Variants in EP400 observed in about 807,000 individuals in gnomAD.
The protein encoded by EP400 is E1A-binding protein p400.
EP400 carries 105 observed loss-of-function variants against 354.1 expected under a neutral mutation model. That is an observed-to-expected ratio of 0.30 (90% CI 0.25 to 0.35). The LOEUF (loss-of-function observed/expected upper bound fraction) is 0.35, where lower values mean the gene tolerates loss of function less well. Ranked by LOEUF, EP400 falls within the 10% of genes least tolerant of loss-of-function variation. The pLI, the probability that EP400 is intolerant of heterozygous loss-of-function variation, is 1.00. For missense variants in EP400, 3,280 were observed against 4,121.0 expected (o/e 0.80, Z 5.59); for synonymous variants, 1,646 against 1,716.9 (o/e 0.96, Z 1.02).
Position 132,020,079 on chromosome 12 carries a change from G to T in EP400, c.4308G>T (p.Lys1436Asn). The T allele has an allele frequency of 6.3e-7, 1 of 1,590,412 alleles. No homozygotes were observed. Among genetic ancestry groups the T allele is most frequent in the Non-Finnish European group, 8.6e-7 (1 of 1,168,180 alleles). ...TTCAGCCTGTGCAGTATGGCCAGAA[G>T]CCCGAGGGTCGCACCGTGGCTTTCC... ...RLFQPVQYGQ[K>N]PEGRTVAFPS... The change falls in exon 22 of 53, where the codon AAG becomes AAT. Residue 1436 changes from lysine (K) to asparagine (N), a missense_variant. Physicochemically the swap from Lys to Asn is moderately conservative, Grantham distance 94. Transcript: ENST00000389561.
At chr12:131,952,302 CAAAAAA>C (rs927214848) in intron 1 of EP400, among the ~76,000 whole-genome samples, 12 of 47,050 alleles carry the variant, frequency 2.6e-4, no homozygotes, top group South Asian at 8.6e-4. Context: ...GACTCTGTCT[CAAAAAA>C]AAAAAAAAAA....
chr12:132,031,032 G>A (rs1422024873), intron 29 of EP400, among the ~76,000 whole-genome samples: 1 of 151,418 alleles, frequency 6.6e-6, no homozygotes, highest in African/African-American at 2.4e-5. Flanking sequence ...TAGAGCAAAA[G>A]GTGATTTAAC....
chr12:132,028,093 C>T lies in EP400; in HGVS notation c.5186C>T (p.Pro1729Leu). 1 of 1,614,206 alleles carries T rather than the reference C, an allele frequency of 6.2e-7. No homozygotes were observed. The highest frequency in any genetic ancestry group is 2.2e-5 in the East Asian group (1 of 44,890). Residue 1729 changes from proline (P) to leucine (L), a missense_variant, in exon 27 of 53, where the codon CCA (proline) becomes CTA (leucine). This residue lies in a region of EP400 where 459 missense variants were observed against 496.9 expected (regional missense o/e 0.92). Transcript: ENST00000389561. ...AACGAGCGGCGCTGTTCTCAAGCTC[C>T]AGTCTATGGCAGAGACTTGCTAAGG... ...LVNERRCSQA[P>L]VYGRDLLRIC...
intron 12 of EP400, among the ~76,000 whole-genome samples, chr12:131,995,953 G>A (rs1176359443): frequency 6.6e-6 from 1 of 151,978 alleles, no homozygotes; most frequent in Non-Finnish European, 1.5e-5. Flanking sequence ...ACCACAGCTT[G>A]ACTGAATGTA....
intron 2 of EP400, among the ~76,000 whole-genome samples, chr12:131,973,097 G>C (rs188733444): frequency 3.3e-5 from 5 of 151,988 alleles, no homozygotes; most frequent in Admixed American, 3.3e-4. Flanking sequence ...TTTTTGTTTT[G>C]TTATTTCATT....
intron 32 of EP400, among the ~76,000 whole-genome samples, chr12:132,039,213 C>A (rs1253195746): frequency 6.6e-6 from 1 of 152,172 alleles, no homozygotes; most frequent in Non-Finnish European, 1.5e-5. Context: ...GGGTATGACT[C>A]TCTTAGTCTG....
rs1254291368 is a variant in EP400, at chr12:132,038,338, G to A, written c.6207+242G>A. On this transcript the variant is annotated intron_variant, in intron 32 of 52. Transcript: ENST00000389561. The surrounding 1 kb of genome is among the most constrained non-coding windows in gnomAD (Gnocchi z 4.2). ...CCACAGGCCTGTCACCGAAGCAGTC[G>A]CTGCCGTCTTCATCTGCACTTTGCC... Among the ~76,000 whole-genome samples, 3 of 152,200 alleles carry A rather than the reference G, an allele frequency of 2.0e-5. No individual in the cohort carries two copies. The highest frequency in any genetic ancestry group is 3.8e-4 in the East Asian group (2 of 5,198).
Position 132,064,730 on chromosome 12 carries a change from G to T in EP400, c.8397G>T (p.Gln2799His). The change falls in exon 48 of 53, where the codon CAG becomes CAT. Residue 2799 changes from glutamine to histidine, a missense_variant. By Grantham distance (24) the Gln-to-His change is conservative. Transcript: ENST00000389561. ...TGCCCCCGCAGCCCCCACCGCCACA[G>T]GCCCAGTCTGCGCCCCCGCAGCCAA... ...LQMPPQPPPP[Q>H]AQSAPPQPTA... The T allele has an allele frequency of 6.2e-7, 1 of 1,613,898 alleles. No homozygotes were observed. The highest frequency in any genetic ancestry group is 1.7e-5 in the Admixed American group (1 of 60,014).
At position 132,064,712 on chromosome 12, in the gene EP400, G is replaced by C. The variant is rs370798410; in HGVS notation, c.8379G>C (p.Pro2793=). ...KMQKQKLQMP[P]QPPPPQAQSA... is the part of the protein sequence containing the mutation. ...AGAAGCAGAAACTGCAGATGCCCCC[G>C]CAGCCCCCACCGCCACAGGCCCAGT... Residue 2793 remains proline, a synonymous_variant, in exon 48 of 53, where the codon CCG becomes CCC. Coordinates refer to ENST00000389561, the MANE Select transcript of EP400 (RefSeq NM_015409.5). 1 of 1,613,582 alleles carries C rather than the reference G, an allele frequency of 6.2e-7. No individual in the cohort carries two copies. The highest frequency in any genetic ancestry group is 1.1e-5 in the South Asian group (1 of 91,046).
intron 7 of EP400, among the ~76,000 whole-genome samples, chr12:131,988,643 C>G (rs1476841939): frequency 6.6e-6 from 1 of 152,178 alleles, no homozygotes; most frequent in African/African-American, 2.4e-5. Context: ...TCTGGAGGCC[C>G]TACTGCTAAC....
At position 132,078,771 on chromosome 12, in the gene EP400, G is replaced by A. The variant is rs1422019591; in HGVS notation, c.*1098G>A. 1 of 152,268 alleles carries A rather than the reference G, an allele frequency of 6.6e-6. No homozygotes were observed. Among genetic ancestry groups the A allele is most frequent in the Non-Finnish European group, 1.5e-5 (1 of 68,044 alleles). 9.4% of individuals were successfully genotyped at this position (152,268 alleles called of 1,614,324 possible). A position where few individuals can be genotyped will look rare whatever the true frequency, so the allele number is the denominator to read the frequency against. Reference sequence around the variant, plus strand: ...AGCAGATTTTCTCTAGGATAAGCTTGTGTGGTTCTGCCAGTGAAGCAGAGA... The same window carrying A: ...AGCAGATTTTCTCTAGGATAAGCTTATGTGGTTCTGCCAGTGAAGCAGAGA... On this transcript the variant is annotated 3_prime_UTR_variant, in exon 53 of 53. Coordinates refer to ENST00000389561, the MANE Select transcript of EP400 (RefSeq NM_015409.5).
Position 132,064,649 on chromosome 12 carries a change from T to C in EP400, c.8335-19T>C, listed in dbSNP as rs1895827881. On this transcript the variant is annotated intron_variant, in intron 47 of 52. Coordinates refer to ENST00000389561, the MANE Select transcript of EP400 (RefSeq NM_015409.5). ...AGCACAGTTAATGTTGAAGAGAAGA[T>C]ACTTTGCTTGTATTTTAGGAACACC... The C allele has an allele frequency of 6.2e-7, 1 of 1,607,670 alleles. No homozygotes were observed. The highest frequency in any genetic ancestry group is 1.3e-5 in the African/African-American group (1 of 74,710).
intron 41 of EP400, among the ~76,000 whole-genome samples, chr12:132,051,318 G>T (rs758005040): frequency 6.6e-6 from 1 of 152,188 alleles, no homozygotes; most frequent in Non-Finnish European, 1.5e-5. Context: ...GTGCGGAGAC[G>T]AGAGAGCGTA....
In EP400 at chr12:132,013,498, G is replaced by A. The variant is rs777036264; in HGVS notation, c.3620G>A (p.Arg1207His). The A allele has an allele frequency of 1.3e-6, 2 of 1,567,384 alleles. No individual in the cohort carries two copies. Among genetic ancestry groups the A allele is most frequent in the Admixed American group, 1.9e-5 (1 of 52,436 alleles). The change falls in exon 18 of 53, where the codon CGT becomes CAT. Residue 1207 changes from arginine to histidine, a missense_variant. Arg to His is a conservative substitution (Grantham distance 29). Around this residue, in one of 20 missense-constraint regions of EP400, gnomAD observed 242 missense variants for 357.9 expected, o/e 0.68. Coordinates refer to ENST00000389561, the MANE Select transcript of EP400 (RefSeq NM_015409.5). This position sits in a 1 kb window ranked among gnomAD's most constrained non-coding sequence, Gnocchi z 4.5. ...TCTTGTCCTGTTTGCAGCCAACAAC[G>A]TCTGCTTCTGATCGACTCGCCGCTG... ...EAVFTLQSQQRLLLIDSPLHN... is the reference protein window; with the variant it reads ...EAVFTLQSQQHLLLIDSPLHN...
chr12:132,031,467 G>A (rs1370439800), intron 29 of EP400: 4 of 478,118 alleles, frequency 8.4e-6, no homozygotes, highest in Non-Finnish European at 1.7e-5. Flanking sequence ...GATAGTGGCT[G>A]CACAGAAGAG....
Position 132,014,017 on chromosome 12 carries a change from G to T in EP400, c.3923+104G>T. ...AGAAAGCTCCTTTCCGCAAGGATTG[G>T]GTGTCTGGAGCTGGAGACCGAGGCA... On this transcript the variant is annotated intron_variant, in intron 19 of 52. Transcript: ENST00000389561. 2.0e-6 allele frequency: 3 copies of T among 1,500,192 alleles called. No individual in the cohort carries two copies. The highest frequency in any genetic ancestry group is 2.7e-6 in the Non-Finnish European group (3 of 1,111,274). The allele number at this position is 1,500,192 out of a possible 1,614,324, so 92.9% of individuals were successfully genotyped here. A position where few individuals can be genotyped will look rare whatever the true frequency, so the allele number is the denominator to read the frequency against.
rs555876246 is a variant in EP400, at chr12:132,044,728, C to T, written c.6630+13C>T. On this transcript the variant is annotated intron_variant, in intron 36 of 52. Coordinates refer to ENST00000389561, the MANE Select transcript of EP400 (RefSeq NM_015409.5). The stretch of plus-strand genomic sequence containing the variant: ...AGAAGTCATGCCGGTGAGTGCTGCC[C>T]TCTCCCTTTGTGTCTGTGTGGGCAG... The T allele has an allele frequency of 5.8e-5, 93 of 1,614,204 alleles. No individual in the cohort carries two copies. The South Asian group carries it at 6.4e-4, about 11-fold the overall frequency.
In EP400 at chr12:132,027,950, G is replaced by A. The variant is rs1258179419; in HGVS notation, c.5110-67G>A. On this transcript the variant is annotated intron_variant, in intron 26 of 52. Coordinates refer to ENST00000389561, the MANE Select transcript of EP400 (RefSeq NM_015409.5). This position sits in a 1 kb window ranked among gnomAD's most constrained non-coding sequence, Gnocchi z 4.9. The stretch of plus-strand genomic sequence containing the variant: ...TGGGAAATCACGGGCTGGGTGGGGG[G>A]TTGGTGAAGACAGGAACTTGTCATT... 3.9e-6 allele frequency: 6 copies of A among 1,549,426 alleles called. No homozygotes were observed. The highest frequency in any genetic ancestry group is 1.4e-5 in the African/African-American group (1 of 73,606).
At chr12:132,015,946 C>T (rs1241817256) in intron 19 of EP400, among the ~76,000 whole-genome samples, 2 of 152,114 alleles carry the variant, frequency 1.3e-5, no homozygotes, top group African/African-American at 4.8e-5. Context: ...TGTTTCTGTA[C>T]CACGAGCTCC....
Sources: gnomAD v4.1 joint callset for allele counts (sites outside exome capture counted in the v4.1 genomes callset) on GRCh38, gnomAD v4.1.1 for gene constraint, gnomAD v4.1.1 regional missense constraint, Gnocchi (gnomAD v3.1) non-coding constraint, MANE v1.5 for transcripts, NCBI Gene and HGNC (gene_info 2026-07-23, HGNC 2026-07-21) for gene names.